ARPC2: variants seen among roughly 807,000 people sequenced by gnomAD.
ARPC2 encodes the protein actin-related protein 2/3 complex subunit 2.
ARPC2 carries 4 observed loss-of-function variants against 38.6 expected under a neutral mutation model. The observed-to-expected ratio is 0.10, with a 90% CI of 0.05 to 0.24. The LOEUF is 0.24. Among genes scored for constraint, ARPC2 ranks in the 10% least tolerant of loss-of-function variants. ARPC2 has a pLI of 1.00. For synonymous variants in ARPC2, 125 were observed against 140.8 expected, an observed-to-expected ratio of 0.89 and a Z score of 0.79; for missense variants, 229 against 387.3, an observed-to-expected ratio of 0.59 and a Z score of 3.43.
chr2:218,227,053 T>C, intron 3 of ARPC2: 1 of 456,420 alleles, frequency 2.2e-6, no homozygotes, highest in Non-Finnish European at 4.4e-6. Flanking sequence ...CTCGACAAGA[T>C]GATCTTGGAA....
chr2:218,254,023 C>A lies in ARPC2; in HGVS notation c.*108C>A. The A allele has an allele frequency of 1.4e-6, 2 of 1,478,052 alleles. No homozygotes were observed. The highest frequency in any genetic ancestry group is 2.2e-4 in the Middle Eastern group (1 of 4,596). The allele number at this position is 1,478,052 out of a possible 1,614,324, so 91.6% of individuals were successfully genotyped here. Reference sequence around the variant, plus strand: ...CCTCTTCAGGTTCTTAAGGGATTCTCCGTTTTGGTTCCATTTTGTACACGT... The same window carrying A: ...CCTCTTCAGGTTCTTAAGGGATTCTACGTTTTGGTTCCATTTTGTACACGT... On this transcript the variant is annotated 3_prime_UTR_variant, in exon 11 of 11. Coordinates refer to ENST00000315717, the MANE Select transcript of ARPC2 (RefSeq NM_152862.3).
At chr2:218,250,538 G>A (rs1331490741) in intron 10 of ARPC2, among the ~76,000 whole-genome samples, 3 of 152,132 alleles carry the variant, frequency 2.0e-5, no homozygotes, top group Non-Finnish European at 4.4e-5. Flanking sequence ...GGTGGCAGGT[G>A]CCTGTAGTCC....
At chr2:218,229,767 A>G (rs1404131916) in intron 4 of ARPC2, among the ~76,000 whole-genome samples, 1 of 152,226 alleles carries the variant, frequency 6.6e-6, no homozygotes, top group Non-Finnish European at 1.5e-5. Context: ...TTCAAATGCA[A>G]TTGATTTTCT....
At chr2:218,234,188 A>C in intron 4 of ARPC2, 164 bp from the exon 5 acceptor site, 1 of 550,906 alleles carries the variant, frequency 1.8e-6, no homozygotes, top group Non-Finnish European at 3.2e-6. Flanking sequence ...TTGTTTGGTG[A>C]CTAAATCCAC....
chr2:218,226,977 G>A (rs754705058), intron 3 of ARPC2: 6 of 456,500 alleles, frequency 1.3e-5, no homozygotes, highest in South Asian at 9.3e-5. Context: ...ATTAGGTGTT[G>A]GTACTATTTA....
intron 5 of ARPC2, chr2:218,234,834 C>T (rs1559479239): frequency 2.2e-6 from 1 of 457,426 alleles, no homozygotes; most frequent in Middle Eastern, 3.2e-4. Context: ...AAAATCAGAC[C>T]CTTTCTTAAT....
chr2:218,240,320 TACTA>T (rs1300906302), intron 7 of ARPC2, among the ~76,000 whole-genome samples: 1 of 152,216 alleles, frequency 6.6e-6, no homozygotes, highest in Non-Finnish European at 1.5e-5. Flanking sequence ...GAATTAAACA[TACTA>T]ACTATGAATG....
chr2:218,249,355 C>G lies in ARPC2; in HGVS notation c.677-9C>G. 1.2e-6 allele frequency: 2 copies of G among 1,602,990 alleles called. No individual in the cohort carries two copies. The highest frequency in any genetic ancestry group is 2.2e-5 in the South Asian group (2 of 90,324). ...GTCCTGACGCCTTGTTTGTGTCTTC[C>G]GCCTTCAGTGCTGTTCCCTCGTCAC... is the stretch of plus-strand genomic sequence containing the variant. On this transcript the variant is annotated splice_polypyrimidine_tract_variant and intron_variant, in intron 8 of 10. Coordinates refer to ENST00000315717, the MANE Select transcript of ARPC2 (RefSeq NM_152862.3).
intron 8 of ARPC2, 148 bp from the exon 9 acceptor site, chr2:218,249,216 G>GA (rs1213434951): frequency 7.0e-5 from 42 of 598,808 alleles, no homozygotes; most frequent in Non-Finnish European, 1.1e-4. Flanking sequence ...TCCATGTCAA[G>GA]AAAAAACCCT....
chr2:218,224,223 C>T (rs1689446636), intron 2 of ARPC2, among the ~76,000 whole-genome samples: 1 of 152,150 alleles, frequency 6.6e-6, no homozygotes, highest in Non-Finnish European at 1.5e-5. Context: ...GTGTGTATGA[C>T]TTGGAGCCCA....
rs1314036188 is a variant in ARPC2, at chr2:218,246,565, G to A, written c.676+1019G>A. 4.6e-5 allele frequency among the ~76,000 whole-genome samples: 7 copies of A among 152,034 alleles called. No homozygotes were observed. The South Asian group carries it at 6.2e-4, about 14-fold the overall frequency. On this transcript the variant is annotated intron_variant, in intron 8 of 10. Coordinates refer to ENST00000315717, the MANE Select transcript of ARPC2 (RefSeq NM_152862.3). Reference sequence around the variant, plus strand: ...AAGAAAAGAGTAAAGGATAGGCGGGGCACAGTGGCTCATACCTGTAATCCC... The same window carrying A: ...AAGAAAAGAGTAAAGGATAGGCGGGACACAGTGGCTCATACCTGTAATCCC...
At chr2:218,241,173 T>C (rs923721181) in intron 7 of ARPC2, among the ~76,000 whole-genome samples, 4 of 152,238 alleles carry the variant, frequency 2.6e-5, no homozygotes, top group African/African-American at 7.2e-5. Context: ...GCAGAATCTC[T>C]TTTGCCAAAT....
rs555564803 is a variant in ARPC2 at position 218,226,940 on chromosome 2, G to A, written c.109+986G>A. The A allele has an allele frequency of 6.9e-4, 313 of 454,112 alleles. 5 individuals carry two copies. The Admixed American group carries it at 7.2e-3, about 10-fold the overall frequency. 28.1% of individuals were successfully genotyped at this position (454,112 alleles called of 1,614,324 possible). On this transcript the variant is annotated intron_variant, in intron 3 of 10. Coordinates refer to ENST00000315717, the MANE Select transcript of ARPC2 (RefSeq NM_152862.3). ...TGTGTTCATCAAGTCAGAGAGAGATGTTGCTGCTTTCTGTTCCCTATAAAG... is the reference window on the plus strand; with the variant it reads ...TGTGTTCATCAAGTCAGAGAGAGATATTGCTGCTTTCTGTTCCCTATAAAG...
intron 10 of ARPC2, among the ~76,000 whole-genome samples, chr2:218,253,453 C>T (rs191824802): frequency 8.9e-4 from 135 of 152,312 alleles, no homozygotes; most frequent in Non-Finnish European, 1.3e-3. Flanking sequence ...AACCAGCCAC[C>T]TGCCTTCATG....
At chr2:218,237,027 T>G (rs1689789351) in intron 5 of ARPC2, among the ~76,000 whole-genome samples, 1 of 152,194 alleles carries the variant, frequency 6.6e-6, no homozygotes, top group South Asian at 2.1e-4. Flanking sequence ...AGCCGGCTTC[T>G]GGGAATTCAT....
chr2:218,217,401 C>A, intron 1 of ARPC2, 62 bp from the exon 2 acceptor site: 1 of 1,538,524 alleles, frequency 6.5e-7, no homozygotes, highest in Non-Finnish European at 9.0e-7. Flanking sequence ...GGGCCGCTCC[C>A]TCCGTCCTTG....
At chr2:218,241,635 A>G (rs940572197) in intron 7 of ARPC2, among the ~76,000 whole-genome samples, 6 of 152,224 alleles carry the variant, frequency 3.9e-5, no homozygotes, top group African/African-American at 1.4e-4. Flanking sequence ...CTTTAAACAG[A>G]TCTTATCTTG....
intron 2 of ARPC2, among the ~76,000 whole-genome samples, chr2:218,217,822 G>A (rs564149299): frequency 2.4e-4 from 36 of 152,334 alleles, no homozygotes; most frequent in Non-Finnish European, 4.3e-4. Flanking sequence ...GGGGGACCCT[G>A]GAGCCGGAAC....
At chr2:218,240,408 T>C (rs1008776304) in intron 7 of ARPC2, among the ~76,000 whole-genome samples, 3 of 152,218 alleles carry the variant, frequency 2.0e-5, no homozygotes, top group African/African-American at 7.2e-5. Context: ...TAACCTCTTG[T>C]GTTTCCTCAG....
Sources: gnomAD v4.1 joint callset for allele counts (sites outside exome capture counted in the v4.1 genomes callset) on GRCh38, gnomAD v4.1.1 for gene constraint, MANE v1.5 for transcripts, NCBI Gene and HGNC (gene_info 2026-07-23, HGNC 2026-07-21) for gene names.